Variants in CNTNAP2 observed in about 807,000 individuals in gnomAD.
CNTNAP2 encodes contactin associated protein 2.
CNTNAP2 carries 98 observed loss-of-function variants against 155.2 expected under a neutral mutation model. The observed-to-expected ratio is 0.63, with a 90% CI of 0.54 to 0.75. CNTNAP2 has a LOEUF of 0.75. CNTNAP2 is among the 30% of genes least tolerant of loss of function. The pLI is 0.00. For synonymous variants in CNTNAP2, 651 were observed against 631.2 expected, an observed-to-expected ratio of 1.03 and a Z score of -0.47; for missense variants, 1,727 against 1,688.1, an observed-to-expected ratio of 1.02 and a Z score of -0.40.
intron 1 of CNTNAP2, among the ~76,000 whole-genome samples, chr7:146,273,920 G>C (rs1800124262): frequency 1.3e-5 from 2 of 151,952 alleles, no homozygotes; most frequent in Admixed American, 1.3e-4. Flanking sequence ...TCATACATAA[G>C]GAAATGGTCA....
At chr7:147,913,310 C>A (rs1027880529) in intron 14 of CNTNAP2, among the ~76,000 whole-genome samples, 2 of 152,158 alleles carry the variant, frequency 1.3e-5, no homozygotes, top group African/African-American at 4.8e-5. Flanking sequence ...TTAATTCCTG[C>A]CCCCAAATTC....
intron 2 of CNTNAP2, among the ~76,000 whole-genome samples, chr7:146,805,987 C>T (rs1486288736): frequency 6.6e-6 from 1 of 151,930 alleles, no homozygotes; most frequent in Admixed American, 6.6e-5. Context: ...AAGTCATTGT[C>T]GACACAAGAT....
At chr7:147,394,148 T>A (rs1422228231) in intron 9 of CNTNAP2, among the ~76,000 whole-genome samples, 1 of 151,936 alleles carries the variant, frequency 6.6e-6, no homozygotes, top group African/African-American at 2.4e-5. Flanking sequence ...TGAGATCTGA[T>A]GGTTTTATAA....
In CNTNAP2 at chr7:146,876,632, C is replaced by A. The variant is rs1013707999; in HGVS notation, c.402+36728C>A. The stretch of plus-strand genomic sequence containing the variant: ...TTAAACCCTTACATTTGTGCCAGAA[C>A]CTTCTAGACATACTGATTTAAAACA... On this transcript the variant is annotated intron_variant, in intron 3 of 23. Coordinates refer to ENST00000361727, the MANE Select transcript of CNTNAP2 (RefSeq NM_014141.6). Among the ~76,000 whole-genome samples, 6 of 152,240 alleles carry A rather than the reference C, an allele frequency of 3.9e-5. No homozygotes were observed. In the South Asian group the frequency reaches 1.2e-3, roughly 32 times the overall value.
chr7:146,521,153 G>A (rs1563117777), intron 1 of CNTNAP2, among the ~76,000 whole-genome samples: 1 of 151,832 alleles, frequency 6.6e-6, no homozygotes, highest in Non-Finnish European at 1.5e-5. Context: ...AGGTTGCCAA[G>A]CCTTTCCTAT....
chr7:147,732,635 C>T lies in CNTNAP2; in HGVS notation c.2098+93329C>T, dbSNP rs547895563. ...ACACTGACTTCCACAATGGTTGAAC[C>T]AGTTTACAGTCCCACCAACAGTGTA... On this transcript the variant is annotated intron_variant, in intron 13 of 23. Transcript: ENST00000361727. 7.1e-3 allele frequency among the ~76,000 whole-genome samples: 1,086 copies of T among 152,074 alleles called. 15 individuals are homozygous for T. The highest frequency in any genetic ancestry group is 0.025 in the African/African-American group (1,040 of 41,474).
intron 12 of CNTNAP2, among the ~76,000 whole-genome samples, chr7:147,633,648 G>T (rs1255026886): frequency 2.0e-5 from 3 of 151,988 alleles, no homozygotes. Flanking sequence ...ATTGAATCAT[G>T]GAGGCAGTTT....
intron 1 of CNTNAP2, among the ~76,000 whole-genome samples, chr7:146,120,830 A>G (rs1034514048): frequency 1.3e-5 from 2 of 152,230 alleles, no homozygotes; most frequent in African/African-American, 4.8e-5. Context: ...CCCAGAAGCA[A>G]CAACCCATAC....
At chr7:148,167,049 C>A (rs1037213186) in intron 17 of CNTNAP2, among the ~76,000 whole-genome samples, 1 of 152,126 alleles carries the variant, frequency 6.6e-6, no homozygotes. Context: ...AAGAAAAGAG[C>A]CTAATTTATT....
chr7:146,149,598 G>A (rs1400754242), intron 1 of CNTNAP2, among the ~76,000 whole-genome samples: 2 of 151,954 alleles, frequency 1.3e-5, no homozygotes, highest in African/African-American at 2.4e-5. Flanking sequence ...CTAGATCCAC[G>A]CAGATATGGC....
intron 1 of CNTNAP2, among the ~76,000 whole-genome samples, chr7:146,633,849 A>AAAAAAAAAAAAAAAAAAAAAG (rs1799552799): frequency 6.6e-6 from 1 of 151,122 alleles, no homozygotes; most frequent in Non-Finnish European, 1.5e-5. Context: ...AAAAAAAAAA[A>AAAAAAAAAAAAAAAAAAAAAG]AAAAAAACAG....
intron 1 of CNTNAP2, among the ~76,000 whole-genome samples, chr7:146,331,301 C>T (rs1454964103): frequency 7.9e-6 from 1 of 126,112 alleles, no homozygotes; most frequent in Non-Finnish European, 1.6e-5. Flanking sequence ...GAGACTCCGT[C>T]TCAAAAAAAA....
intron 1 of CNTNAP2, among the ~76,000 whole-genome samples, chr7:146,603,127 C>A (rs558918240): frequency 8.6e-5 from 13 of 151,340 alleles, no homozygotes; most frequent in African/African-American, 2.7e-4. Context: ...TAAAATATTG[C>A]GATAGCTGGG....
chr7:148,161,670 C>T (rs889973341), intron 17 of CNTNAP2, among the ~76,000 whole-genome samples: 2 of 152,090 alleles, frequency 1.3e-5, no homozygotes, highest in African/African-American at 2.4e-5. Context: ...TCTCACTACC[C>T]GTTCCTCCAC....
intron 8 of CNTNAP2, among the ~76,000 whole-genome samples, chr7:147,273,754 A>C (rs2116710047): frequency 6.9e-6 from 1 of 144,200 alleles, no homozygotes; most frequent in Admixed American, 6.9e-5. Context: ...TATATATGTA[A>C]TATATATTTT....
At chr7:147,379,112 C>A (rs983026211) in intron 9 of CNTNAP2, among the ~76,000 whole-genome samples, 1 of 152,020 alleles carries the variant, frequency 6.6e-6, no homozygotes, top group Admixed American at 6.6e-5. Flanking sequence ...TCCCCTTCCG[C>A]CATGATTATA....
At chr7:146,338,389 A>G (rs539307207) in intron 1 of CNTNAP2, among the ~76,000 whole-genome samples, 1 of 152,244 alleles carries the variant, frequency 6.6e-6, no homozygotes, top group South Asian at 2.1e-4. Context: ...TTTAAATTGA[A>G]TATCAGTCCT....
chr7:147,229,509 G>A (rs2116614247), intron 8 of CNTNAP2, among the ~76,000 whole-genome samples: 1 of 152,332 alleles, frequency 6.6e-6, no homozygotes, highest in South Asian at 2.1e-4. Flanking sequence ...AAGTTACACA[G>A]TGTTTCCAGT....
intron 13 of CNTNAP2, among the ~76,000 whole-genome samples, chr7:147,701,338 C>T (rs977578006): frequency 6.6e-6 from 1 of 152,126 alleles, no homozygotes; most frequent in Non-Finnish European, 1.5e-5. Context: ...CCTGTCATTA[C>T]TGATAACTGC....
Sources: gnomAD v4.1 joint callset for allele counts (sites outside exome capture counted in the v4.1 genomes callset) on GRCh38, gnomAD v4.1.1 for gene constraint, MANE v1.5 for transcripts, NCBI Gene and HGNC (gene_info 2026-07-23, HGNC 2026-07-21) for gene names.